The following ROR1 variants were observed in gnomAD, a reference collection of about 807,000 sequenced individuals.
ROR1 encodes inactive tyrosine-protein kinase transmembrane receptor ROR1.
Under a neutral mutation model 78.8 loss-of-function variants are expected in ROR1, and 19 were observed. The ratio of observed to expected loss-of-function variants is 0.24; its 90% confidence interval spans 0.17 to 0.35. The LOEUF is 0.35. Ranked by LOEUF, ROR1 falls within the 10% of genes least tolerant of loss-of-function variation. ROR1 has a pLI of 1.00. For missense variants in ROR1, 917 were observed against 1,177.8 expected, an observed-to-expected ratio of 0.78 and a Z score of 3.24; for synonymous variants, 386 against 433.6, an observed-to-expected ratio of 0.89 and a Z score of 1.36.
At chr1:64,020,703 C>T (rs1323539796) in intron 2 of ROR1, among the ~76,000 whole-genome samples, 1 of 152,128 alleles carries the variant, frequency 6.6e-6, no homozygotes, top group Non-Finnish European at 1.5e-5. Context: ...CTTTAGCCCT[C>T]CTGAGCTTGC....
intron 1 of ROR1, among the ~76,000 whole-genome samples, chr1:63,788,368 A>T (rs1447315890): frequency 6.6e-6 from 1 of 152,188 alleles, no homozygotes; most frequent in Non-Finnish European, 1.5e-5. Context: ...TTATAAAAGG[A>T]GGTTATGCTT....
intron 1 of ROR1, among the ~76,000 whole-genome samples, chr1:63,780,225 CTT>C (rs1644642676): frequency 1.3e-5 from 2 of 151,022 alleles, no homozygotes; most frequent in South Asian, 4.2e-4. Flanking sequence ...ACAGTCCAAA[CTT>C]TATTTTTTTC....
intron 4 of ROR1, among the ~76,000 whole-genome samples, chr1:64,073,456 T>G (rs1557638779): frequency 6.6e-6 from 1 of 152,180 alleles, no homozygotes; most frequent in Non-Finnish European, 1.5e-5. Flanking sequence ...TGACTTCAAT[T>G]TTTTGAAGAC....
intron 4 of ROR1, among the ~76,000 whole-genome samples, chr1:64,072,725 G>T (rs554874083): frequency 1.1e-4 from 16 of 152,236 alleles, no homozygotes; most frequent in African/African-American, 3.9e-4. Context: ...CACATGCCAG[G>T]AACCTCAGGG....
chr1:63,839,557 T>C (rs369244140), intron 1 of ROR1, among the ~76,000 whole-genome samples: 1 of 152,178 alleles, frequency 6.6e-6, no homozygotes, highest in African/African-American at 2.4e-5. Context: ...GCAAATAATA[T>C]ATGTACCAAA....
intron 1 of ROR1, among the ~76,000 whole-genome samples, chr1:63,980,991 CTT>C (rs1210816190): frequency 2.6e-5 from 4 of 152,140 alleles, no homozygotes; most frequent in Non-Finnish European, 5.9e-5. Context: ...ACAGATAAGA[CTT>C]TTGATTCTGG....
intron 1 of ROR1, among the ~76,000 whole-genome samples, chr1:63,780,325 A>T (rs1557492622): frequency 6.6e-6 from 1 of 152,166 alleles, no homozygotes; most frequent in African/African-American, 2.4e-5. Context: ...TTTGAGCCTG[A>T]TAGGGAATGG....
At chr1:64,048,196 C>T (rs1477655028) in intron 2 of ROR1, among the ~76,000 whole-genome samples, 1 of 152,192 alleles carries the variant, frequency 6.6e-6, no homozygotes, top group African/African-American at 2.4e-5. Flanking sequence ...TGGCGTTCTA[C>T]CTGTGCTGTC....
chr1:63,930,087 A>G (rs776247685), intron 1 of ROR1, among the ~76,000 whole-genome samples: 4 of 152,034 alleles, frequency 2.6e-5, no homozygotes, highest in Non-Finnish European at 4.4e-5. Context: ...TCTACATTAG[A>G]TATTTCTCCT....
At chr1:63,963,959 T>C (rs1454111557) in intron 1 of ROR1, among the ~76,000 whole-genome samples, 4 of 152,302 alleles carry the variant, frequency 2.6e-5, no homozygotes, top group Non-Finnish European at 5.9e-5. Context: ...AGTCTTATAT[T>C]TTTTTGAGCA....
At chr1:64,119,367 A>G (rs1364778915) in intron 4 of ROR1, among the ~76,000 whole-genome samples, 2 of 152,080 alleles carry the variant, frequency 1.3e-5, no homozygotes, top group Admixed American at 6.5e-5. Flanking sequence ...GCAGCCAGGT[A>G]CAGTGGCTCA....
At chr1:63,830,255 A>G (rs888303156) in intron 1 of ROR1, among the ~76,000 whole-genome samples, 1 of 152,186 alleles carries the variant, frequency 6.6e-6, no homozygotes, top group Non-Finnish European at 1.5e-5. Context: ...AAGTGGTAAC[A>G]ATAGGGCATA....
intron 1 of ROR1, among the ~76,000 whole-genome samples, chr1:63,846,170 G>GTC (rs1645080227): frequency 8.2e-6 from 1 of 122,550 alleles, no homozygotes; most frequent in South Asian, 2.6e-4. Flanking sequence ...GTGTGTGTGT[G>GTC]TTTGAGAAAT....
intron 1 of ROR1, among the ~76,000 whole-genome samples, chr1:63,957,723 AC>A (rs1645994786): frequency 2.0e-5 from 3 of 147,084 alleles, no homozygotes; most frequent in Non-Finnish European, 4.5e-5. Context: ...CCAATTGATA[AC>A]CCTTTTTTTG....
intron 1 of ROR1, among the ~76,000 whole-genome samples, chr1:63,974,872 G>A (rs1408290107): frequency 1.3e-5 from 2 of 152,132 alleles, no homozygotes; most frequent in Non-Finnish European, 2.9e-5. Flanking sequence ...GTATGAGGGG[G>A]ACAGTGCAGA....
chr1:64,007,242 A>G (rs1646435333), intron 1 of ROR1, among the ~76,000 whole-genome samples: 1 of 152,170 alleles, frequency 6.6e-6, no homozygotes, highest in Non-Finnish European at 1.5e-5. Flanking sequence ...TTAACAGGTA[A>G]ACAGAGCCAT....
At chr1:63,953,970 A>C (rs935970566) in intron 1 of ROR1, among the ~76,000 whole-genome samples, 1 of 152,202 alleles carries the variant, frequency 6.6e-6, no homozygotes, top group Non-Finnish European at 1.5e-5. Context: ...GGCAGCAGCC[A>C]AGTGGAGAGA....
intron 1 of ROR1, among the ~76,000 whole-genome samples, chr1:63,994,722 A>T (rs922876083): frequency 1.3e-5 from 2 of 152,190 alleles, no homozygotes; most frequent in Non-Finnish European, 2.9e-5. Context: ...AAATTCCCCC[A>T]AATACCTCCG....
chr1:64,063,553 C>T (rs993157565), intron 4 of ROR1, among the ~76,000 whole-genome samples: 3 of 152,116 alleles, frequency 2.0e-5, no homozygotes, highest in African/African-American at 7.2e-5. Flanking sequence ...TATCTAATTG[C>T]TCTCCTCTTT....
Sources: gnomAD v4.1 joint callset for allele counts (sites outside exome capture counted in the v4.1 genomes callset) on GRCh38, gnomAD v4.1.1 for gene constraint, MANE v1.5 for transcripts, NCBI Gene and HGNC (gene_info 2026-07-23, HGNC 2026-07-21) for gene names.